Variants in BTRC observed in about 807,000 individuals in gnomAD.
BTRC encodes beta-transducin repeat containing E3 ubiquitin protein ligase, also known as F-box/WD repeat-containing protein 1A.
In BTRC, 42 loss-of-function variants were observed where a neutral mutation model predicts 85.5. The observed-to-expected ratio is 0.49, with a 90% CI of 0.38 to 0.64. The LOEUF (loss-of-function observed/expected upper bound fraction) is 0.64, where lower values mean the gene tolerates loss of function less well. Ranked by LOEUF, BTRC falls within the 30% of genes least tolerant of loss-of-function variation. The pLI is 0.00. For missense variants in BTRC, 594 were observed against 743.5 expected, an observed-to-expected ratio of 0.80 and a Z score of 2.34; for synonymous variants, 255 against 263.3, an observed-to-expected ratio of 0.97 and a Z score of 0.30.
intron 1 of BTRC, among the ~76,000 whole-genome samples, chr10:101,404,319 C>T (rs529126283): frequency 1.8e-4 from 27 of 151,802 alleles, no homozygotes; most frequent in South Asian, 4.2e-4. Flanking sequence ...TGTGAGCCAC[C>T]GCGCCCAGCC....
At chr10:101,359,064 A>G (rs2134467514) in intron 1 of BTRC, among the ~76,000 whole-genome samples, 1 of 152,256 alleles carries the variant, frequency 6.6e-6, no homozygotes, top group Admixed American at 6.5e-5. Flanking sequence ...TTAACTTCGG[A>G]AGGCACTAAC....
intron 3 of BTRC, among the ~76,000 whole-genome samples, chr10:101,476,672 G>A (rs1404723462): frequency 6.6e-6 from 1 of 151,446 alleles, no homozygotes; most frequent in Non-Finnish European, 1.5e-5. Flanking sequence ...TGGAACTCCC[G>A]GTTTCAAGTA....
intron 2 of BTRC, among the ~76,000 whole-genome samples, chr10:101,439,379 G>A (rs1261547323): frequency 6.6e-6 from 1 of 152,142 alleles, no homozygotes; most frequent in Non-Finnish European, 1.5e-5. Context: ...TTGATCCGAT[G>A]GTGTCCTGAC....
At chr10:101,407,407 TTTTTTA>T (rs1271102027) in intron 1 of BTRC, among the ~76,000 whole-genome samples, 1 of 152,176 alleles carries the variant, frequency 6.6e-6, no homozygotes, top group African/African-American at 2.4e-5. Context: ...CACACCGTAA[TTTTTTA>T]TTTTTGTTTT....
intron 1 of BTRC, among the ~76,000 whole-genome samples, chr10:101,371,830 T>TC (rs1942643544): frequency 6.6e-6 from 1 of 152,090 alleles, no homozygotes. Flanking sequence ...ACGTCAGCAT[T>TC]CTTTTTTTTT....
intron 5 of BTRC, among the ~76,000 whole-genome samples, chr10:101,522,139 A>G (rs1356990216): frequency 7.2e-6 from 1 of 139,762 alleles, no homozygotes; most frequent in Admixed American, 7.9e-5. Context: ...CTCCCGGCTT[A>G]ACGCCATTCT....
chr10:101,418,987 C>A (rs939013997), intron 1 of BTRC, among the ~76,000 whole-genome samples: 30 of 151,778 alleles, frequency 2.0e-4, no homozygotes, highest in Admixed American at 2.0e-3. Flanking sequence ...CATGTAACAT[C>A]TCACAGTTTC....
intron 1 of BTRC, among the ~76,000 whole-genome samples, chr10:101,372,009 A>G (rs1942649254): frequency 2.0e-5 from 3 of 152,014 alleles, no homozygotes; most frequent in Non-Finnish European, 2.9e-5. Context: ...CTATTTATTG[A>G]AAAGATTGTT....
chr10:101,457,674 G>C (rs887182446), intron 2 of BTRC, among the ~76,000 whole-genome samples: 1 of 152,122 alleles, frequency 6.6e-6, no homozygotes, highest in Non-Finnish European at 1.5e-5. Flanking sequence ...GGAATCTGTT[G>C]TTCTGAGCAG....
At chr10:101,438,463 G>C (rs928526647) in intron 2 of BTRC, among the ~76,000 whole-genome samples, 2 of 131,942 alleles carry the variant, frequency 1.5e-5, no homozygotes, top group African/African-American at 5.7e-5. Context: ...CTTCTCATTA[G>C]CAATATAAGT....
chr10:101,545,769 C>T (rs1376544534), intron 13 of BTRC, among the ~76,000 whole-genome samples: 1 of 152,078 alleles, frequency 6.6e-6, no homozygotes, highest in African/African-American at 2.4e-5. Flanking sequence ...GTTATGGCAC[C>T]CCTAGCCCTG....
intron 7 of BTRC, 78 bp downstream of exon 7, chr10:101,531,411 C>A: frequency 1.8e-6 from 2 of 1,139,444 alleles, no homozygotes; most frequent in Non-Finnish European, 1.3e-6. Flanking sequence ...ATGGTTACAG[C>A]AAGCCCATTA....
chr10:101,419,603 C>T (rs770282911), intron 1 of BTRC, among the ~76,000 whole-genome samples: 17 of 152,042 alleles, frequency 1.1e-4, no homozygotes, highest in Admixed American at 2.6e-4. Context: ...TTCATCAAAG[C>T]GTGCAAACCA....
At chr10:101,485,719 T>C (rs1945967881) in intron 4 of BTRC, among the ~76,000 whole-genome samples, 1 of 152,210 alleles carries the variant, frequency 6.6e-6, no homozygotes, top group Non-Finnish European at 1.5e-5. Context: ...CACTTCAAGA[T>C]GCTAGAATTT....
At chr10:101,529,845 G>A (rs922887600) in intron 6 of BTRC, among the ~76,000 whole-genome samples, 3 of 152,120 alleles carry the variant, frequency 2.0e-5, no homozygotes, top group Admixed American at 1.3e-4. Flanking sequence ...GGGAGGAGTG[G>A]ATGACTGGCC....
intron 4 of BTRC, among the ~76,000 whole-genome samples, chr10:101,483,083 C>T (rs1945883536): frequency 6.6e-6 from 1 of 152,082 alleles, no homozygotes; most frequent in Non-Finnish European, 1.5e-5. Context: ...ATTTATTTCC[C>T]TAAAAGCAGC....
intron 13 of BTRC, among the ~76,000 whole-genome samples, chr10:101,540,304 T>A (rs916398731): frequency 6.6e-6 from 1 of 152,216 alleles, no homozygotes; most frequent in Non-Finnish European, 1.5e-5. Flanking sequence ...TTGCATATGG[T>A]ACAAGGTGTA....
chr10:101,447,001 TG>T (rs1297068826), intron 2 of BTRC, among the ~76,000 whole-genome samples: 12 of 59,924 alleles, frequency 2.0e-4, no homozygotes, highest in Non-Finnish European at 3.0e-4. Flanking sequence ...TGGGGGGTGG[TG>T]GGGGGGCCGG....
chr10:101,412,783 C>T (rs1305995715), intron 1 of BTRC, among the ~76,000 whole-genome samples: 3 of 152,254 alleles, frequency 2.0e-5, no homozygotes, highest in Non-Finnish European at 4.4e-5. Flanking sequence ...AAAACAGATA[C>T]ACACTAGTCT....
Sources: allele counts gnomAD v4.1 joint callset (sites outside exome capture counted in the v4.1 genomes callset), GRCh38; gene constraint gnomAD v4.1.1; transcripts MANE v1.5; gene names NCBI Gene and HGNC (gene_info 2026-07-23, HGNC 2026-07-21).